The following RAPGEF6 variants were observed in gnomAD, a reference collection of about 807,000 sequenced individuals.
RAPGEF6 encodes the protein Rap guanine nucleotide exchange factor 6.
In RAPGEF6, 56 loss-of-function variants were observed where a neutral mutation model predicts 171.4. The ratio of observed to expected loss-of-function variants is 0.33; its 90% CI spans 0.26 to 0.41. The LOEUF (loss-of-function observed/expected upper bound fraction) is 0.41, where lower values mean the gene tolerates loss of function less well. Among genes scored for constraint, RAPGEF6 ranks in the 10% least tolerant of loss-of-function variants. The probability of loss-of-function intolerance (pLI) is 1.00; values close to 1 mark genes in which losing one functional copy is unlikely to be tolerated. For synonymous variants in RAPGEF6, 692 were observed against 650.1 expected, an observed-to-expected ratio of 1.06 and a Z score of -0.98; for missense variants, 1,674 against 1,921.4, an observed-to-expected ratio of 0.87 and a Z score of 2.41.
In RAPGEF6 at chr5:131,505,473, G is replaced by C; in HGVS notation, c.992C>G (p.Pro331Arg). The C allele has an allele frequency of 6.2e-7, 1 of 1,613,474 alleles. No individual in the cohort carries two copies. The change falls in exon 10 of 28, where the codon CCA (proline) becomes CGA (arginine). Residue 331 changes from proline to arginine, a missense_variant. By Grantham distance (103) the Pro-to-Arg change is moderately radical. Around this residue, in one of 3 missense-constraint regions of RAPGEF6, gnomAD observed 1,116 missense variants for 1,321.5 expected, o/e 0.84. Transcript: ENST00000509018. ...AAACAAATTTTCAACTTTTCCATCTGGATGACTGATTTCCACAGTGCCGTT... is the reference window on the plus strand; with the variant it reads ...AAACAAATTTTCAACTTTTCCATCTCGATGACTGATTTCCACAGTGCCGTT... The part of the protein sequence containing the change: ...ILNGTVEISH[P>R]DGKVENLFMG...
intron 24 of RAPGEF6, among the ~76,000 whole-genome samples, chr5:131,434,935 G>A (rs1226710294): frequency 4.6e-5 from 7 of 152,244 alleles, no homozygotes; most frequent in Non-Finnish European, 1.0e-4. Flanking sequence ...ACAGAGGAAA[G>A]TAGGGTTTAG....
At chr5:131,587,372 T>A (rs1454220646) in intron 4 of RAPGEF6, among the ~76,000 whole-genome samples, 1 of 152,162 alleles carries the variant, frequency 6.6e-6, no homozygotes, top group African/African-American at 2.4e-5. Context: ...GATACAAGAC[T>A]GATTAAAATT....
At chr5:131,503,588 C>T (rs1052460519) in intron 11 of RAPGEF6, among the ~76,000 whole-genome samples, 40 of 152,170 alleles carry the variant, frequency 2.6e-4, no homozygotes, top group Non-Finnish European at 3.4e-4. Context: ...ATTTAACTCC[C>T]TCATATTATT....
chr5:131,587,890 CT>C (rs1423833007), intron 4 of RAPGEF6, among the ~76,000 whole-genome samples: 1 of 152,176 alleles, frequency 6.6e-6, no homozygotes, highest in African/African-American at 2.4e-5. Flanking sequence ...CAAGAAAAAT[CT>C]GGAAAGGCCT....
chr5:131,520,354 T>C (rs948614021), intron 7 of RAPGEF6, among the ~76,000 whole-genome samples: 2 of 152,212 alleles, frequency 1.3e-5, no homozygotes, highest in African/African-American at 2.4e-5. Context: ...TGACTTAATA[T>C]GCAAAAGTAA....
rs965592143 is a variant in RAPGEF6, at chr5:131,469,370, A to T, written c.2239+3217T>A. Among the ~76,000 whole-genome samples the T allele has an allele frequency of 2.0e-5, 3 of 152,164 alleles. No homozygotes were observed. In the East Asian group the frequency reaches 5.8e-4, roughly 29 times the overall value. ...CTTTATAATTAAAAACTAATAATAA[A>T]AAATTTTCAATGAAGAAAAAATTAA... On this transcript the variant is annotated intron_variant, in intron 17 of 27. Transcript: ENST00000509018.
intron 5 of RAPGEF6, 114 bp downstream of exon 5, chr5:131,561,864 G>A (rs2149967520): frequency 1.3e-6 from 1 of 777,130 alleles, no homozygotes; most frequent in Non-Finnish European, 2.1e-6. Flanking sequence ...GCTACTTGAT[G>A]AAATCTCTAA....
chr5:131,560,109 A>G (rs984253753), intron 5 of RAPGEF6, among the ~76,000 whole-genome samples: 2 of 152,212 alleles, frequency 1.3e-5, no homozygotes, highest in African/African-American at 4.8e-5. Flanking sequence ...ATAAATTTAA[A>G]TTTTTGAAAT....
chr5:131,594,569 G>A (rs1001215341), intron 3 of RAPGEF6, among the ~76,000 whole-genome samples: 12 of 152,212 alleles, frequency 7.9e-5, no homozygotes, highest in African/African-American at 2.4e-4. Context: ...GGGGGCCATT[G>A]TCCTTCAGAC....
At chr5:131,517,817 AC>A (rs1361435292) in intron 7 of RAPGEF6, among the ~76,000 whole-genome samples, 6 of 146,796 alleles carry the variant, frequency 4.1e-5, no homozygotes, top group African/African-American at 7.7e-5. Context: ...ACACACACAC[AC>A]ACACAAAATT....
chr5:131,507,887 G>A (rs924541295), intron 9 of RAPGEF6, among the ~76,000 whole-genome samples, 184 bp downstream of exon 9: 3 of 151,790 alleles, frequency 2.0e-5, no homozygotes, highest in Non-Finnish European at 4.4e-5. Context: ...TTAAAATTAG[G>A]GCAAAGCAAA....
chr5:131,455,727 C>A, intron 20 of RAPGEF6, 74 bp downstream of exon 20: 2 of 1,295,604 alleles, frequency 1.5e-6, no homozygotes, highest in Non-Finnish European at 1.1e-6. Flanking sequence ...GGAAATATAC[C>A]ATACACAAAA....
intron 1 of RAPGEF6, among the ~76,000 whole-genome samples, chr5:131,612,248 G>A (rs903640330): frequency 7.7e-6 from 1 of 129,522 alleles, no homozygotes; most frequent in Non-Finnish European, 1.6e-5. Flanking sequence ...CCTGGGAAAC[G>A]ATAATTTGAA....
chr5:131,561,498 A>T (rs1761598628), intron 5 of RAPGEF6, among the ~76,000 whole-genome samples: 1 of 151,938 alleles, frequency 6.6e-6, no homozygotes, highest in African/African-American at 2.4e-5. Context: ...ATGGCTGCTA[A>T]AAAATAGAAA....
At chr5:131,479,841 A>C in intron 15 of RAPGEF6, 88 bp from the exon 16 acceptor site, 1 of 1,357,066 alleles carries the variant, frequency 7.4e-7, no homozygotes, top group Non-Finnish European at 1.0e-6. Flanking sequence ...AAACACAGTG[A>C]CTTTCCATTA....
intron 17 of RAPGEF6, among the ~76,000 whole-genome samples, chr5:131,465,736 T>C (rs1754290487): frequency 2.0e-5 from 3 of 151,950 alleles, no homozygotes; most frequent in African/African-American, 7.3e-5. Context: ...TGAGCTGAGA[T>C]CATGCCACTG....
intron 3 of RAPGEF6, among the ~76,000 whole-genome samples, chr5:131,600,557 G>A: frequency 7.0e-6 from 1 of 142,852 alleles, no homozygotes; most frequent in African/African-American, 2.6e-5. Flanking sequence ...AGGAAGGGAG[G>A]GAGGGAGGGA....
intron 1 of RAPGEF6, among the ~76,000 whole-genome samples, chr5:131,625,778 T>G (rs1765884324): frequency 6.7e-6 from 1 of 148,542 alleles, no homozygotes; most frequent in African/African-American, 2.5e-5. Context: ...ATAGCGCCAC[T>G]GCGCTCCAGC....
intron 13 of RAPGEF6, 38 bp from the exon 14 acceptor site, chr5:131,492,823 C>A (rs1309666269): frequency 6.4e-7 from 1 of 1,551,574 alleles, no homozygotes; most frequent in Admixed American, 1.7e-5. Flanking sequence ...ATAAATGTAT[C>A]TATTCCTATA....
Sources: allele counts gnomAD v4.1 joint callset (sites outside exome capture counted in the v4.1 genomes callset), GRCh38; gene constraint gnomAD v4.1.1; regional missense constraint gnomAD v4.1.1; transcripts MANE v1.5; gene names NCBI Gene and HGNC (gene_info 2026-07-23, HGNC 2026-07-21).